N4BP2: variants seen among roughly 807,000 people sequenced by gnomAD.
N4BP2 encodes the protein NEDD4-binding protein 2.
Under a neutral mutation model 152.8 loss-of-function variants are expected in N4BP2, and 91 were observed. That is an observed-to-expected ratio of 0.60 (90% CI 0.50 to 0.71). The LOEUF (loss-of-function observed/expected upper bound fraction) is 0.71, where lower values mean the gene tolerates loss of function less well. N4BP2 is among the 30% of genes least tolerant of loss of function. N4BP2 has a pLI of 0.00. For synonymous variants in N4BP2, 646 were observed against 705.3 expected (o/e 0.92, Z 1.33); for missense variants, 1,923 against 2,059.1 (o/e 0.93, Z 1.28).
chr4:40,069,068 C>G (rs565293349), intron 1 of N4BP2, among the ~76,000 whole-genome samples: 1 of 151,766 alleles, frequency 6.6e-6, no homozygotes, highest in East Asian at 1.9e-4. Flanking sequence ...TGCAGTGAGC[C>G]GGGATCGCGC....
chr4:40,083,718 C>A (rs915732334), intron 2 of N4BP2, among the ~76,000 whole-genome samples: 3 of 152,078 alleles, frequency 2.0e-5, no homozygotes, highest in Non-Finnish European at 4.4e-5. Flanking sequence ...GGTGGGGTTT[C>A]TTCTTGAGTT....
chr4:40,149,599 A>G (rs1044808287), intron 16 of N4BP2, among the ~76,000 whole-genome samples: 4 of 152,216 alleles, frequency 2.6e-5, no homozygotes, highest in African/African-American at 9.7e-5. Context: ...AAAAATTGTA[A>G]GAAGAGAAAA....
chr4:40,086,710 T>G (rs1713997820), intron 2 of N4BP2, among the ~76,000 whole-genome samples: 1 of 152,002 alleles, frequency 6.6e-6, no homozygotes, highest in African/African-American at 2.4e-5. Context: ...TCAAGAAATT[T>G]GGATTCTAAT....
In N4BP2 at chr4:40,099,469, C is replaced by T. The variant is rs1017558580; in HGVS notation, c.229+1900C>T. Among the ~76,000 whole-genome samples, 28 of 151,748 alleles carry T rather than the reference C, an allele frequency of 1.8e-4. 1 individual carries two copies. The highest frequency in any genetic ancestry group is 6.3e-4 in the African/African-American group (26 of 41,272). ...TTCATCATGTTGGCCAGGCTGGTCT[C>T]GAACTCCTGACCTCAGGTGATCCAC... On this transcript the variant is annotated intron_variant, in intron 3 of 17. Coordinates refer to ENST00000261435, the MANE Select transcript of N4BP2 (RefSeq NM_018177.6).
At chr4:40,185,772 T>C in the N4BP2 span, among the ~76,000 whole-genome samples, 1 of 152,130 alleles carries the variant, frequency 6.6e-6, no homozygotes, top group Non-Finnish European at 1.5e-5. Flanking sequence ...CAAAACTACT[T>C]CCTTTTCTTT....
intron 12 of N4BP2, among the ~76,000 whole-genome samples, chr4:40,127,363 A>G (rs1485374458): frequency 2.0e-5 from 3 of 147,984 alleles, no homozygotes; most frequent in African/African-American, 7.5e-5. Context: ...AACCACAGGC[A>G]TGTGCCACCA....
chr4:40,065,836 G>C (rs1460259710), intron 1 of N4BP2, among the ~76,000 whole-genome samples: 1 of 152,004 alleles, frequency 6.6e-6, no homozygotes, highest in African/African-American at 2.4e-5. Context: ...GTGGTTGACC[G>C]GGGGCATGGA....
At chr4:40,182,000 C>T in the N4BP2 span, among the ~76,000 whole-genome samples, 1 of 152,166 alleles carries the variant, frequency 6.6e-6, no homozygotes, top group Non-Finnish European at 1.5e-5. Context: ...TAAAGACATT[C>T]CTGGGATTGC....
intron 1 of N4BP2, among the ~76,000 whole-genome samples, chr4:40,061,131 A>G (rs981183235): frequency 6.6e-6 from 1 of 151,558 alleles, no homozygotes; most frequent in African/African-American, 2.4e-5. Flanking sequence ...TTTTCTTAAA[A>G]CTTTATGCAA....
intron 2 of N4BP2, among the ~76,000 whole-genome samples, chr4:40,085,772 T>C (rs533245420): frequency 2.0e-5 from 3 of 152,262 alleles, no homozygotes; most frequent in Non-Finnish European, 2.9e-5. Context: ...GGGGGAGAGA[T>C]TGATCAGCTG....
intron 2 of N4BP2, among the ~76,000 whole-genome samples, chr4:40,078,243 T>C (rs919305512): frequency 5.3e-5 from 8 of 151,848 alleles, no homozygotes; most frequent in Non-Finnish European, 8.8e-5. Flanking sequence ...TTTCAAGAGA[T>C]TCTCATGCTT....
At chr4:40,135,021 A>G (rs971424907) in intron 13 of N4BP2, among the ~76,000 whole-genome samples, 3 of 149,980 alleles carry the variant, frequency 2.0e-5, no homozygotes, top group Non-Finnish European at 4.4e-5. Context: ...ATATGTATAC[A>G]TGTGACATGC....
intron 16 of N4BP2, among the ~76,000 whole-genome samples, chr4:40,146,530 C>CT (rs554886273): frequency 6.7e-4 from 102 of 152,266 alleles, no homozygotes; most frequent in African/African-American, 2.4e-3. Context: ...AGTTATTACT[C>CT]TTATTTTTTT....
At chr4:40,140,216 T>C (rs1158330198) in intron 14 of N4BP2, among the ~76,000 whole-genome samples, 1 of 152,216 alleles carries the variant, frequency 6.6e-6, no homozygotes, top group African/African-American at 2.4e-5. Flanking sequence ...AGTTAGTTGG[T>C]ATTTAGGACT....
chr4:40,096,060 GT>G (rs1715079467), intron 2 of N4BP2, among the ~76,000 whole-genome samples: 1 of 152,098 alleles, frequency 6.6e-6, no homozygotes, highest in Non-Finnish European at 1.5e-5. Flanking sequence ...TAGACATTTA[GT>G]TTTGGATATG....
At chr4:40,148,123 G>A (rs922793557) in intron 16 of N4BP2, among the ~76,000 whole-genome samples, 3 of 152,192 alleles carry the variant, frequency 2.0e-5, no homozygotes, top group Non-Finnish European at 4.4e-5. Context: ...AGGTTGTAGC[G>A]AGCCGAGATC....
chr4:40,069,916 T>TA (rs1711974911), intron 1 of N4BP2, among the ~76,000 whole-genome samples: 1 of 152,016 alleles, frequency 6.6e-6, no homozygotes, highest in Non-Finnish European at 1.5e-5. Context: ...CCCTGTCTCT[T>TA]AAAAAAACAA....
chr4:40,144,485 TTA>T, intron 15 of N4BP2, 145 bp from the exon 16 acceptor site: 1 of 557,422 alleles, frequency 1.8e-6, no homozygotes, highest in South Asian at 3.5e-5. Flanking sequence ...TGGTGCATTC[TTA>T]TATATTAAAC....
intron 14 of N4BP2, among the ~76,000 whole-genome samples, chr4:40,141,004 C>T (rs13103318): frequency 0.18 from 26,907 of 151,016 alleles, 3,030 homozygotes; most frequent in Admixed American, 0.26. Flanking sequence ...TACACAAACA[C>T]GGCAACCATC....
Sources: gnomAD v4.1 joint callset for allele counts (sites outside exome capture counted in the v4.1 genomes callset) on GRCh38, gnomAD v4.1.1 for gene constraint, MANE v1.5 for transcripts, NCBI Gene and HGNC (gene_info 2026-07-23, HGNC 2026-07-21) for gene names.